RGL1: variants seen among roughly 807,000 people sequenced by gnomAD.
RGL1 encodes the protein ral guanine nucleotide dissociation stimulator like 1, also known as ral guanine nucleotide dissociation stimulator-like 1.
Under a neutral mutation model 95.2 loss-of-function variants are expected in RGL1, and 24 were observed. That is an observed-to-expected ratio of 0.25 (90% confidence interval 0.18 to 0.35). The LOEUF is 0.35. Ranked by LOEUF, RGL1 falls within the 10% of genes least tolerant of loss-of-function variation. The pLI is 1.00. For synonymous variants in RGL1, 329 were observed against 344.9 expected, an observed-to-expected ratio of 0.95 and a Z score of 0.51; for missense variants, 715 against 936.3, an observed-to-expected ratio of 0.76 and a Z score of 3.08.
chr1:183,719,143 T>C (rs1186599951), intron 1 of RGL1, among the ~76,000 whole-genome samples: 1 of 152,224 alleles, frequency 6.6e-6, no homozygotes, highest in East Asian at 1.9e-4. Context: ...AGGTAAATTG[T>C]GAAATCTAGC....
intron 2 of RGL1, among the ~76,000 whole-genome samples, chr1:183,847,222 G>C (rs1176847383): frequency 6.6e-6 from 1 of 152,174 alleles, no homozygotes; most frequent in Non-Finnish European, 1.5e-5. Context: ...GCCAAGGCGA[G>C]AGGGTTGCTT....
chr1:183,904,787 A>G lies in RGL1; in HGVS notation c.1351-63A>G, dbSNP rs551533569. The G allele has an allele frequency of 1.5e-4, 231 of 1,500,692 alleles. No individual in the cohort carries two copies. In the African/African-American group the frequency reaches 3.0e-3, roughly 19 times the overall value. 93.0% of individuals were successfully genotyped at this position (1,500,692 alleles called of 1,614,324 possible). On this transcript the variant is annotated intron_variant, in intron 12 of 17. Coordinates refer to ENST00000360851, the MANE Select transcript of RGL1 (RefSeq NM_001297671.3). ...GTATATTTTCATGTTGAAAGATTCT[A>G]TATTTGGTTGGCCTTATTATTCAGT...
chr1:183,897,410 G>T (rs1667761612), intron 9 of RGL1, among the ~76,000 whole-genome samples: 1 of 152,078 alleles, frequency 6.6e-6, no homozygotes, highest in Admixed American at 6.6e-5. Context: ...AATTAGCCAG[G>T]TGGTGGCGCA....
At chr1:183,880,940 T>A in intron 5 of RGL1, 140 bp downstream of exon 5, 1 of 740,370 alleles carries the variant, frequency 1.4e-6, no homozygotes, top group Non-Finnish European at 2.1e-6. Flanking sequence ...TTGGCTTGAG[T>A]ATAAAATTCT....
intron 9 of RGL1, among the ~76,000 whole-genome samples, chr1:183,896,495 G>A (rs1379623518): frequency 1.3e-5 from 2 of 152,162 alleles, no homozygotes; most frequent in Non-Finnish European, 2.9e-5. Context: ...CCTGGGACCT[G>A]AGTTAAGGCT....
Position 183,679,746 on chromosome 1 carries a change from G to A in RGL1, c.-33+43245G>A, listed in dbSNP as rs138810753. Among the ~76,000 whole-genome samples the A allele has an allele frequency of 1.6e-3, 246 of 152,218 alleles. 6 individuals carry two copies. In the East Asian group the frequency reaches 0.036, roughly 22 times the overall value. ...GTGTATATCCAGTAATGGGATTTCTGGGTCAAATGGTATTTCTGGTTCTAG... is the reference window on the plus strand; with the variant it reads ...GTGTATATCCAGTAATGGGATTTCTAGGTCAAATGGTATTTCTGGTTCTAG... On this transcript the variant is annotated intron_variant, in intron 1 of 18. Coordinates refer to the RGL1 transcript ENST00000304685.
intron 2 of RGL1, among the ~76,000 whole-genome samples, chr1:183,751,563 C>T (rs1298964517): frequency 6.6e-6 from 1 of 152,070 alleles, no homozygotes; most frequent in Admixed American, 6.5e-5. Flanking sequence ...GTGAATGGTT[C>T]TGTCTCGCTG....
At chr1:183,873,127 A>G (rs894015165) in intron 4 of RGL1, among the ~76,000 whole-genome samples, 24 of 152,354 alleles carry the variant, frequency 1.6e-4, no homozygotes, top group African/African-American at 5.3e-4. Flanking sequence ...TTGAGGAAGA[A>G]TAAAACAACA....
Position 183,883,920 on chromosome 1 carries a change from CT to C in RGL1, c.735+11del. 1 of 1,613,504 alleles carries C rather than the reference CT, an allele frequency of 6.2e-7. No individual in the cohort carries two copies. The highest frequency in any genetic ancestry group is 8.5e-7 in the Non-Finnish European group (1 of 1,179,594). The stretch of plus-strand genomic sequence containing the variant: ...GACCTACATGGATGCAGTATGTCTT[CT>C]CTTTGTGATCAGATGTACTTTCACT... On this transcript the variant is annotated intron_variant, in intron 6 of 17. Coordinates refer to ENST00000360851, the MANE Select transcript of RGL1 (RefSeq NM_001297671.3).
rs539774438 is a variant in RGL1, at chr1:183,672,408, C to A, written c.-33+35907C>A. On this transcript the variant is annotated intron_variant, in intron 1 of 18. Transcript: ENST00000304685. ...CTGTTCTCAACAGATAAAAATATTT[C>A]TCTCTTTTCCCATCTTTTGGAACAT... 2.0e-3 allele frequency among the ~76,000 whole-genome samples: 303 copies of A among 152,242 alleles called. 1 individual carries two copies. Among genetic ancestry groups the A allele is most frequent in the Non-Finnish European group, 3.8e-3 (258 of 68,016 alleles).
chr1:183,662,691 C>G (rs907987929), intron 1 of RGL1, among the ~76,000 whole-genome samples: 53 of 152,148 alleles, frequency 3.5e-4, no homozygotes, highest in Admixed American at 9.2e-4. Flanking sequence ...TGACCTTCTT[C>G]ACAGAATTGG....
intron 1 of RGL1, among the ~76,000 whole-genome samples, chr1:183,722,788 C>G (rs6699197): frequency 0.44 from 67,622 of 151,962 alleles, 16,326 homozygotes; most frequent in East Asian, 0.76. Flanking sequence ...TGAGAGTTGG[C>G]CAGCACACCT....
At chr1:183,683,590 C>G (rs575529091) in intron 1 of RGL1, among the ~76,000 whole-genome samples, 1 of 152,190 alleles carries the variant, frequency 6.6e-6, no homozygotes, top group East Asian at 1.9e-4. Context: ...TTCTGGTTGC[C>G]CTTAAAAATT....
chr1:183,790,884 C>T (rs762393858), intron 2 of RGL1, among the ~76,000 whole-genome samples: 4 of 151,130 alleles, frequency 2.6e-5, no homozygotes, highest in East Asian at 3.9e-4. Flanking sequence ...TCCCCTCCCA[C>T]GATATATACA....
intron 1 of RGL1, among the ~76,000 whole-genome samples, chr1:183,805,943 T>G (rs1418192540): frequency 6.7e-6 from 1 of 149,622 alleles, no homozygotes; most frequent in African/African-American, 2.4e-5. Context: ...ATTCTTTTCT[T>G]TTTTTCTTTT....
chr1:183,850,295 A>G (rs1664755792), intron 3 of RGL1, among the ~76,000 whole-genome samples: 2 of 141,414 alleles, frequency 1.4e-5, no homozygotes, highest in African/African-American at 4.9e-5. Flanking sequence ...ATCATATGTT[A>G]GAAATATTTT....
intron 12 of RGL1, 123 bp from the exon 13 acceptor site, chr1:183,904,727 C>A (rs1668214250): frequency 9.6e-7 from 1 of 1,043,630 alleles, no homozygotes; most frequent in East Asian, 2.6e-5. Context: ...TCAGAATCCT[C>A]CTAGATGGTT....
Position 183,643,266 on chromosome 1 carries a change from ATTTATTTATT to A in RGL1, c.-33+6767_-33+6776del, listed in dbSNP as rs1558128995. The stretch of plus-strand genomic sequence containing the variant: ...TATCTCTTTGAGGTCCTGTTTTTTT[ATTTATTTATT>A]TATTTATTTATTTATTTATTTATTT... On this transcript the variant is annotated intron_variant, in intron 1 of 18. Coordinates refer to the RGL1 transcript ENST00000304685. Among the ~76,000 whole-genome samples, 1,170 of 137,798 alleles carry A rather than the reference ATTTATTTATT, an allele frequency of 8.5e-3. 17 individuals are homozygous for A. Among genetic ancestry groups the A allele is most frequent in the African/African-American group, 0.028 (1,080 of 38,434 alleles). 90.4% of individuals were successfully genotyped at this position (137,798 alleles called of 152,430 possible).
chr1:183,732,290 C>T (rs1185155268), intron 1 of RGL1, among the ~76,000 whole-genome samples: 1 of 151,946 alleles, frequency 6.6e-6, no homozygotes, highest in Non-Finnish European at 1.5e-5. Flanking sequence ...AATGGAAAGT[C>T]CTGTAAAAGT....
Sources: allele counts gnomAD v4.1 joint callset (sites outside exome capture counted in the v4.1 genomes callset), GRCh38; gene constraint gnomAD v4.1.1; transcripts MANE v1.5; gene names NCBI Gene and HGNC (gene_info 2026-07-23, HGNC 2026-07-21).